Variants in ZNF804B observed in about 807,000 individuals in gnomAD.
The protein encoded by ZNF804B is zinc finger 804B.
In ZNF804B, 80 loss-of-function variants were observed where a neutral mutation model predicts 101.4. The ratio of observed to expected loss-of-function variants is 0.79; its 90% CI spans 0.66 to 0.95. ZNF804B has a LOEUF of 0.95. Ranked by LOEUF, ZNF804B falls within the 40% of genes least tolerant of loss-of-function variation. The pLI is 0.00. For synonymous variants in ZNF804B, 622 were observed against 558.8 expected, an observed-to-expected ratio of 1.11 and a Z score of -1.59; for missense variants, 1,673 against 1,561.9, an observed-to-expected ratio of 1.07 and a Z score of -1.20.
intron 1 of ZNF804B, among the ~76,000 whole-genome samples, chr7:89,016,772 G>A (rs1439708729): frequency 6.6e-6 from 1 of 152,184 alleles, no homozygotes. Flanking sequence ...CAGGTAGTGT[G>A]ATGCCTCCAG....
chr7:89,096,191 G>A (rs1789970207), intron 1 of ZNF804B, among the ~76,000 whole-genome samples: 1 of 151,228 alleles, frequency 6.6e-6, no homozygotes, highest in African/African-American at 2.4e-5. Flanking sequence ...TACCTCAGCA[G>A]ATGAGAAATG....
intron 1 of ZNF804B, among the ~76,000 whole-genome samples, chr7:88,771,705 T>G (rs1173427517): frequency 1.3e-5 from 2 of 152,104 alleles, no homozygotes; most frequent in Non-Finnish European, 1.5e-5. Context: ...ACATATATAT[T>G]ATATGAAGAG....
intron 1 of ZNF804B, among the ~76,000 whole-genome samples, chr7:88,853,005 C>T (rs374507578): frequency 1.4e-4 from 21 of 152,086 alleles, no homozygotes; most frequent in African/African-American, 4.8e-4. Flanking sequence ...GAGGAGTGAC[C>T]CTACCCTGCT....
At chr7:88,809,486 C>T (rs552144491) in intron 1 of ZNF804B, among the ~76,000 whole-genome samples, 1 of 152,166 alleles carries the variant, frequency 6.6e-6, no homozygotes, top group East Asian at 1.9e-4. Context: ...AAGGAATTGT[C>T]TTTAAAGGAA....
chr7:88,850,083 C>T (rs753940470), intron 1 of ZNF804B, among the ~76,000 whole-genome samples: 1 of 152,064 alleles, frequency 6.6e-6, no homozygotes, highest in Non-Finnish European at 1.5e-5. Context: ...CTAGATTTAT[C>T]TTCCTATTTG....
chr7:88,992,274 C>T (rs1328207065), intron 1 of ZNF804B, among the ~76,000 whole-genome samples: 1 of 152,088 alleles, frequency 6.6e-6, no homozygotes, highest in South Asian at 2.1e-4. Context: ...TTTCTCTTTA[C>T]ATTGCTTGTC....
At chr7:88,774,253 G>A (rs1054961430) in intron 1 of ZNF804B, among the ~76,000 whole-genome samples, 2 of 147,258 alleles carry the variant, frequency 1.4e-5, no homozygotes, top group South Asian at 2.1e-4. Context: ...TCCAAGTGAC[G>A]AAGGGGATTA....
intron 1 of ZNF804B, 137 bp from the exon 2 acceptor site, chr7:89,218,018 C>T (rs2115696695): frequency 3.7e-6 from 3 of 812,522 alleles, no homozygotes; most frequent in South Asian, 3.9e-5. Context: ...AAAAGTTATT[C>T]TCACAGTGTC....
chr7:89,106,416 A>G (rs965206223), intron 1 of ZNF804B, among the ~76,000 whole-genome samples: 2 of 152,142 alleles, frequency 1.3e-5, no homozygotes, highest in Non-Finnish European at 2.9e-5. Flanking sequence ...ATTATGTGCT[A>G]GATCCTCTGT....
chr7:89,033,014 T>A (rs1468905265), intron 1 of ZNF804B, among the ~76,000 whole-genome samples: 2 of 151,342 alleles, frequency 1.3e-5, no homozygotes, highest in Non-Finnish European at 2.9e-5. Flanking sequence ...ATGACTATGG[T>A]CACTTCTTGT....
chr7:89,202,273 T>C (rs1562914312), intron 1 of ZNF804B, among the ~76,000 whole-genome samples: 1 of 152,226 alleles, frequency 6.6e-6, no homozygotes, highest in East Asian at 1.9e-4. Context: ...CCCTCCTATA[T>C]CAGAGAAAGG....
rs778508208 is a variant in ZNF804B at position 89,337,893 on chromosome 7, C to T, written c.*861C>T. On this transcript the variant is annotated 3_prime_UTR_variant, in exon 4 of 4. Transcript: ENST00000333190. ...ATTCTTCTACTCAAAAATTTTACTA[C>T]GTTCAGCCAATACATGTATAAGGAT... 2.0e-5 allele frequency among the ~76,000 whole-genome samples: 3 copies of T among 151,952 alleles called. No individual in the cohort carries two copies. The highest frequency in any genetic ancestry group is 4.8e-5 in the African/African-American group (2 of 41,414).
At chr7:88,885,726 C>T (rs550694606) in intron 1 of ZNF804B, among the ~76,000 whole-genome samples, 377 of 151,154 alleles carry the variant, frequency 2.5e-3, no homozygotes, top group Middle Eastern at 6.9e-3. Flanking sequence ...CTTAAGATTA[C>T]TTAAAGAGAA....
chr7:89,268,589 A>G lies in ZNF804B; in HGVS notation c.249+50294A>G, dbSNP rs28542176. Among the ~76,000 whole-genome samples the G allele has an allele frequency of 2.4e-3, 366 of 151,904 alleles. 2 individuals are homozygous for G. Among genetic ancestry groups the G allele is most frequent in the African/African-American group, 8.4e-3 (348 of 41,396 alleles). On this transcript the variant is annotated intron_variant, in intron 2 of 3. Transcript: ENST00000333190. ...TTATTTTTCTTTTTTTTTCAAGTAG[A>G]CATTTTCTTTTTAATAAAACAGAGC... is the stretch of plus-strand genomic sequence containing the variant.
intron 1 of ZNF804B, among the ~76,000 whole-genome samples, chr7:88,905,836 G>A (rs747544344): frequency 7.3e-5 from 11 of 150,058 alleles, no homozygotes; most frequent in South Asian, 2.1e-4. Flanking sequence ...AGTGGGACTC[G>A]TAGCAGTTCC....
intron 1 of ZNF804B, among the ~76,000 whole-genome samples, chr7:89,101,242 G>A (rs886295959): frequency 6.6e-6 from 1 of 151,386 alleles, no homozygotes; most frequent in Non-Finnish European, 1.5e-5. Flanking sequence ...GGCATGTTTA[G>A]CTTTGAGCTA....
chr7:88,932,244 A>G (rs966253620), intron 1 of ZNF804B, among the ~76,000 whole-genome samples: 9 of 151,864 alleles, frequency 5.9e-5, no homozygotes, highest in African/African-American at 2.2e-4. Flanking sequence ...GCCATTGTAC[A>G]TAAGAATACT....
At chr7:89,193,097 A>T (rs1788485585) in intron 1 of ZNF804B, among the ~76,000 whole-genome samples, 1 of 152,082 alleles carries the variant, frequency 6.6e-6, no homozygotes, top group Non-Finnish European at 1.5e-5. Context: ...AAAGACAGGG[A>T]TGCCCTCTTT....
At chr7:89,290,885 G>A (rs1457450421) in intron 2 of ZNF804B, among the ~76,000 whole-genome samples, 2 of 152,134 alleles carry the variant, frequency 1.3e-5, no homozygotes, top group Non-Finnish European at 2.9e-5. Flanking sequence ...AGTCCCAGTG[G>A]CCACAGGGGT....
Sources: gnomAD v4.1 joint callset for allele counts (sites outside exome capture counted in the v4.1 genomes callset) on GRCh38, gnomAD v4.1.1 for gene constraint, MANE v1.5 for transcripts, NCBI Gene and HGNC (gene_info 2026-07-23, HGNC 2026-07-21) for gene names.